ADARB2: variants seen among roughly 807,000 people sequenced by gnomAD.
The protein encoded by ADARB2 is adenosine deaminase RNA specific B2 (inactive).
Under a neutral mutation model 62.2 loss-of-function variants are expected in ADARB2, and 25 were observed. That is an observed-to-expected ratio of 0.40 (90% confidence interval 0.29 to 0.56). The LOEUF is 0.56. ADARB2 is among the 20% of genes least tolerant of loss of function. The pLI, the probability that ADARB2 is intolerant of heterozygous loss-of-function variation, is 0.43. For synonymous variants in ADARB2, 572 were observed against 500.8 expected, an observed-to-expected ratio of 1.14 and a Z score of -1.90; for missense variants, 1,071 against 1,077.4, an observed-to-expected ratio of 0.99 and a Z score of 0.08.
intron 1 of ADARB2, among the ~76,000 whole-genome samples, chr10:1,457,933 C>G (rs74684573): frequency 6.6e-6 from 1 of 152,156 alleles, no homozygotes; most frequent in Non-Finnish European, 1.5e-5. Context: ...TCTCTTTGCA[C>G]GTAAAATGTA....
intron 3 of ADARB2, among the ~76,000 whole-genome samples, chr10:1,329,724 A>C (rs1276317012): frequency 6.6e-6 from 1 of 152,134 alleles, no homozygotes; most frequent in African/African-American, 2.4e-5. Flanking sequence ...CATCCCTGCC[A>C]GGCACTGGTC....
At chr10:1,452,625 G>GT (rs1182498376) in intron 1 of ADARB2, among the ~76,000 whole-genome samples, 2 of 132,394 alleles carry the variant, frequency 1.5e-5, no homozygotes, top group Non-Finnish European at 3.2e-5. Context: ...GTTGGGGGGG[G>GT]GAATATCACA....
intron 1 of ADARB2, among the ~76,000 whole-genome samples, chr10:1,559,851 T>C (rs2676201): frequency 0.83 from 126,029 of 152,068 alleles, 52,704 homozygotes; most frequent in Non-Finnish European, 0.89. Flanking sequence ...GGAGCCCATG[T>C]TGCGGTGACA....
chr10:1,482,201 G>T (rs555169341), intron 1 of ADARB2, among the ~76,000 whole-genome samples: 1 of 152,306 alleles, frequency 6.6e-6, no homozygotes, highest in South Asian at 2.1e-4. Flanking sequence ...CTTGGGAAAA[G>T]TAAGCATGAT....
intron 1 of ADARB2, among the ~76,000 whole-genome samples, chr10:1,482,473 G>A (rs558605852): frequency 2.0e-4 from 30 of 152,204 alleles, no homozygotes; most frequent in Admixed American, 4.6e-4. Context: ...GGGACTGAGA[G>A]TTGTCAAATT....
chr10:1,731,061 T>C (rs1835224718), intron 1 of ADARB2, among the ~76,000 whole-genome samples: 3 of 152,190 alleles, frequency 2.0e-5, no homozygotes, highest in Admixed American at 1.3e-4. Context: ...CAAATATAGA[T>C]CGTTCTTCAG....
chr10:1,223,044 A>G (rs1296529745), intron 6 of ADARB2, among the ~76,000 whole-genome samples: 1 of 152,184 alleles, frequency 6.6e-6, no homozygotes, highest in African/African-American at 2.4e-5. Flanking sequence ...CTTCCTGCCC[A>G]TGAGCATGTA....
At chr10:1,419,998 G>A (rs1832838944) in intron 1 of ADARB2, among the ~76,000 whole-genome samples, 1 of 152,186 alleles carries the variant, frequency 6.6e-6, no homozygotes, top group Non-Finnish European at 1.5e-5. Flanking sequence ...TATCAGCTAT[G>A]CCCAGTCTGG....
At chr10:1,280,691 A>G (rs944093780) in intron 3 of ADARB2, among the ~76,000 whole-genome samples, 20 of 146,426 alleles carry the variant, frequency 1.4e-4, no homozygotes, top group African/African-American at 5.2e-4. Context: ...TGAAATTCCT[A>G]AGTGATGCTC....
intron 1 of ADARB2, among the ~76,000 whole-genome samples, chr10:1,409,425 C>T (rs2820668): frequency 0.067 from 10,191 of 152,266 alleles, 1,175 homozygotes; most frequent in African/African-American, 0.23. Flanking sequence ...GCTGTGGCAA[C>T]GGATTCTCAG....
intron 1 of ADARB2, among the ~76,000 whole-genome samples, chr10:1,460,252 CAAACCT>C (rs1354093999): frequency 1.6e-4 from 5 of 31,540 alleles, no homozygotes; most frequent in Admixed American, 6.1e-4. Flanking sequence ...ACCTGCGTAA[CAAACCT>C]GCCTGTGACC....
rs149032653 is a variant in ADARB2 at position 1,275,021 on chromosome 10, G to A, written c.1078-3952C>T. Among the ~76,000 whole-genome samples the A allele has an allele frequency of 7.8e-3, 1,183 of 152,296 alleles. 17 individuals carry two copies. The highest frequency in any genetic ancestry group is 0.027 in the African/African-American group (1,132 of 41,552). The stretch of plus-strand genomic sequence containing the variant: ...GGTGGAGCCTGGCCACCCACTCTCC[G>A]CACCCTGCAGGCCTGTACCCCTGCC... On this transcript the variant is annotated intron_variant, in intron 3 of 9. Transcript: ENST00000381312.
At chr10:1,304,784 C>T (rs1046002769) in intron 3 of ADARB2, among the ~76,000 whole-genome samples, 23 of 148,170 alleles carry the variant, frequency 1.6e-4, no homozygotes, top group Non-Finnish European at 3.0e-4. Flanking sequence ...CTACTGGGTA[C>T]ATAACGAAAT....
chr10:1,635,217 T>A (rs1833904992), intron 1 of ADARB2, among the ~76,000 whole-genome samples: 1 of 152,226 alleles, frequency 6.6e-6, no homozygotes. Flanking sequence ...ACCTTGAGAA[T>A]GATCACCTTC....
intron 4 of ADARB2, among the ~76,000 whole-genome samples, chr10:1,252,906 T>G (rs999275877): frequency 3.9e-5 from 6 of 152,332 alleles, no homozygotes; most frequent in African/African-American, 1.4e-4. Flanking sequence ...GCTTTTATTC[T>G]CTAAACATTT....
intron 1 of ADARB2, among the ~76,000 whole-genome samples, chr10:1,634,441 C>T (rs1253074099): frequency 6.6e-6 from 1 of 152,186 alleles, no homozygotes; most frequent in African/African-American, 2.4e-5. Flanking sequence ...CCCCAGGGAC[C>T]ATCTGAGCTG....
At chr10:1,617,683 A>G (rs1484571120) in intron 1 of ADARB2, among the ~76,000 whole-genome samples, 1 of 149,438 alleles carries the variant, frequency 6.7e-6, no homozygotes, top group Non-Finnish European at 1.5e-5. Flanking sequence ...CACACTCCAC[A>G]CCGCCCTGCT....
chr10:1,465,308 G>A (rs911866555), intron 1 of ADARB2, among the ~76,000 whole-genome samples: 3 of 152,180 alleles, frequency 2.0e-5, no homozygotes, highest in South Asian at 2.1e-4. Flanking sequence ...TCAGCCATGT[G>A]TGCTTGTCAA....
chr10:1,421,931 A>G (rs1325890808), intron 1 of ADARB2, among the ~76,000 whole-genome samples: 2 of 152,192 alleles, frequency 1.3e-5, no homozygotes, highest in Non-Finnish European at 2.9e-5. Flanking sequence ...TGCTATTTCC[A>G]TCTCAGGTTA....
Sources: gnomAD v4.1 joint callset for allele counts (sites outside exome capture counted in the v4.1 genomes callset) on GRCh38, gnomAD v4.1.1 for gene constraint, MANE v1.5 for transcripts, NCBI Gene and HGNC (gene_info 2026-07-23, HGNC 2026-07-21) for gene names.